MAGI1: variants seen among roughly 807,000 people sequenced by gnomAD.
MAGI1 encodes membrane associated guanylate kinase, WW and PDZ domain containing 1.
MAGI1 carries 58 observed loss-of-function variants against 139.9 expected under a neutral mutation model. The observed-to-expected ratio is 0.41, with a 90% confidence interval of 0.34 to 0.52. MAGI1 has a LOEUF of 0.52. Among genes scored for constraint, MAGI1 ranks in the 20% least tolerant of loss-of-function variants. The pLI is 0.12. For missense variants in MAGI1, 1,874 were observed against 1,901.6 expected, an observed-to-expected ratio of 0.99 and a Z score of 0.27; for synonymous variants, 812 against 737.9, an observed-to-expected ratio of 1.10 and a Z score of -1.63.
At chr3:65,746,662 A>G (rs994127528) in intron 1 of MAGI1, among the ~76,000 whole-genome samples, 1 of 152,146 alleles carries the variant, frequency 6.6e-6, no homozygotes, top group African/African-American at 2.4e-5. Flanking sequence ...TGCTGATGAC[A>G]TGGAGGGGAA....
chr3:65,898,970 G>T (rs2061101788), intron 1 of MAGI1, among the ~76,000 whole-genome samples: 1 of 152,094 alleles, frequency 6.6e-6, no homozygotes, highest in South Asian at 2.1e-4. Flanking sequence ...AGCCCAGGCT[G>T]AAGTGCAGTG....
chr3:65,569,738 A>G (rs1277306065), intron 2 of MAGI1, among the ~76,000 whole-genome samples: 1 of 151,944 alleles, frequency 6.6e-6, no homozygotes, highest in Admixed American at 6.6e-5. Context: ...TTAGCCATGC[A>G]TGATGGCATG....
intron 2 of MAGI1, among the ~76,000 whole-genome samples, chr3:65,563,611 A>T (rs1469969926): frequency 6.6e-6 from 1 of 152,192 alleles, no homozygotes; most frequent in Non-Finnish European, 1.5e-5. Flanking sequence ...CTGACCTGAC[A>T]TGTGAGTGAG....
chr3:65,828,173 A>G (rs2042331064), intron 1 of MAGI1, among the ~76,000 whole-genome samples: 1 of 152,198 alleles, frequency 6.6e-6, no homozygotes. Flanking sequence ...TCCATCTGCA[A>G]CTAGTTCTTA....
intron 2 of MAGI1, among the ~76,000 whole-genome samples, chr3:65,578,943 GAGAC>G (rs1158566404): frequency 6.7e-6 from 1 of 150,254 alleles, no homozygotes; most frequent in African/African-American, 2.4e-5. Context: ...GAGAGAGAGA[GAGAC>G]AGAGAGAGAG....
In MAGI1 at chr3:65,356,693, T is replaced by A; in HGVS notation, c.4074A>T (p.Ser1358=). The A allele has an allele frequency of 1.3e-6, 2 of 1,592,752 alleles. No individual in the cohort carries two copies. The highest frequency in any genetic ancestry group is 2.2e-5 in the East Asian group (1 of 44,652). The part of the protein sequence containing the change: ...DVSPERRRER[S]PTRRRDGSPS... Reference sequence around the variant, plus strand: ...GGGAGCCGTCTCTCCTGCGGGTGGGTGACCGCTCTCGCCTCCGCTCCGGAG... The same window carrying A: ...GGGAGCCGTCTCTCCTGCGGGTGGGAGACCGCTCTCGCCTCCGCTCCGGAG... Residue 1358 remains serine (S), a synonymous_variant, in exon 23 of 23, where the codon TCA becomes TCT. Coordinates refer to ENST00000402939, the MANE Select transcript of MAGI1 (RefSeq NM_001033057.2).
intron 1 of MAGI1, among the ~76,000 whole-genome samples, chr3:65,656,979 C>CAAA (rs58817001): frequency 1.7e-3 from 126 of 73,842 alleles, no homozygotes; most frequent in Non-Finnish European, 2.3e-3. Flanking sequence ...GACACCATCT[C>CAAA]AAAAAAAAAA....
chr3:65,925,635 CA>C (rs1419098665), intron 1 of MAGI1, among the ~76,000 whole-genome samples: 2 of 152,168 alleles, frequency 1.3e-5, no homozygotes, highest in African/African-American at 4.8e-5. Flanking sequence ...CCCAACCTCT[CA>C]AAAAAATAGT....
chr3:65,366,091 G>T (rs1476282360), intron 18 of MAGI1, among the ~76,000 whole-genome samples: 1 of 152,140 alleles, frequency 6.6e-6, no homozygotes, highest in Admixed American at 6.6e-5. Context: ...CTACTCATTA[G>T]CTGTGTGCCT....
chr3:65,530,342 T>C (rs536173634), intron 2 of MAGI1, among the ~76,000 whole-genome samples: 34 of 152,126 alleles, frequency 2.2e-4, no homozygotes, highest in Middle Eastern at 3.4e-3. Context: ...TCCAGAACCA[T>C]ATAGCACAGT....
intron 12 of MAGI1, among the ~76,000 whole-genome samples, chr3:65,406,809 A>C (rs1011667936): frequency 1.3e-5 from 2 of 149,574 alleles, no homozygotes; most frequent in Admixed American, 6.8e-5. Context: ...CTCTCTCTAT[A>C]TATATATATC....
chr3:65,835,872 G>A (rs554674643), intron 1 of MAGI1, among the ~76,000 whole-genome samples: 8 of 152,120 alleles, frequency 5.3e-5, no homozygotes, highest in African/African-American at 1.7e-4. Context: ...CTGTTCAATC[G>A]CCCTGTTTCT....
chr3:65,695,521 C>A (rs1175715112), intron 1 of MAGI1, among the ~76,000 whole-genome samples: 1 of 152,194 alleles, frequency 6.6e-6, no homozygotes, highest in Non-Finnish European at 1.5e-5. Flanking sequence ...GGGCCAACTC[C>A]TTATGTTCCA....
intron 1 of MAGI1, among the ~76,000 whole-genome samples, chr3:65,922,150 C>T (rs1049067533): frequency 6.6e-6 from 1 of 152,020 alleles, no homozygotes; most frequent in Non-Finnish European, 1.5e-5. Flanking sequence ...GAAACAGAGA[C>T]TCTAAGAGAT....
chr3:65,420,335 G>A (rs189818662), intron 12 of MAGI1, among the ~76,000 whole-genome samples: 10 of 151,926 alleles, frequency 6.6e-5, no homozygotes, highest in African/African-American at 1.7e-4. Flanking sequence ...CTGGAATACC[G>A]TTTCCTTCTC....
intron 13 of MAGI1, among the ~76,000 whole-genome samples, chr3:65,391,850 C>T (rs1021312332): frequency 3.3e-5 from 5 of 152,000 alleles, no homozygotes; most frequent in Admixed American, 2.6e-4. Flanking sequence ...AGTTTGCTAT[C>T]CATTCTTTTC....
intron 1 of MAGI1, among the ~76,000 whole-genome samples, chr3:65,777,892 T>G (rs2038598625): frequency 6.6e-6 from 1 of 152,156 alleles, no homozygotes; most frequent in African/African-American, 2.4e-5. Context: ...AAAACTGGCA[T>G]GCAGTAAACA....
At position 65,591,931 on chromosome 3, in the gene MAGI1, C is replaced by G. The variant is rs113073852; in HGVS notation, c.430+30041G>C. Among the ~76,000 whole-genome samples the G allele has an allele frequency of 3.4e-3, 523 of 152,270 alleles. 4 individuals are homozygous for G. The highest frequency in any genetic ancestry group is 0.012 in the African/African-American group (491 of 41,546). On this transcript the variant is annotated intron_variant, in intron 2 of 22. Coordinates refer to ENST00000402939, the MANE Select transcript of MAGI1 (RefSeq NM_001033057.2). ...CTCTATTTAAAAACTGCAACATGCC[C>G]AATCTCCACACTCAACCCCCTTACT...
At chr3:65,743,968 A>AT (rs1412825612) in intron 1 of MAGI1, among the ~76,000 whole-genome samples, 17 of 151,974 alleles carry the variant, frequency 1.1e-4, no homozygotes, top group African/African-American at 1.9e-4. Context: ...TTAAAATAAA[A>AT]AAAAAAAGTG....
Sources: allele counts gnomAD v4.1 joint callset (sites outside exome capture counted in the v4.1 genomes callset), GRCh38; gene constraint gnomAD v4.1.1; transcripts MANE v1.5; gene names NCBI Gene and HGNC (gene_info 2026-07-23, HGNC 2026-07-21).